The following CACNA1C variants were observed in gnomAD, a reference collection of about 807,000 sequenced individuals.
The protein encoded by CACNA1C is calcium voltage-gated channel subunit alpha1 C.
A neutral mutation model predicts 229.0 loss-of-function variants in CACNA1C; 30 were observed. The observed-to-expected ratio is 0.13, with a 90% CI of 0.10 to 0.18. CACNA1C has a LOEUF of 0.18. CACNA1C is among the 10% of genes least tolerant of loss of function. CACNA1C has a pLI of 1.00. For synonymous variants in CACNA1C, 1,114 were observed against 1,132.5 expected, an observed-to-expected ratio of 0.98 and a Z score of 0.33; for missense variants, 1,658 against 2,845.0, an observed-to-expected ratio of 0.58 and a Z score of 9.49.
exon 1 of CACNA1C, chr12:1,970,905 A>T: frequency 3.1e-6 from 1 of 321,142 alleles, no homozygotes; most frequent in Non-Finnish European, 6.0e-6. Context: ...ACTGTAACTT[A>T]AACTTGCAGC....
intron 3 of CACNA1C, among the ~76,000 whole-genome samples, chr12:2,389,824 G>A (rs571370335): frequency 4.2e-4 from 64 of 152,068 alleles, no homozygotes; most frequent in African/African-American, 1.2e-3. Flanking sequence ...CCAACCCTCC[G>A]GCACCGAATC....
chr12:2,678,911 C>G lies in CACNA1C; in HGVS notation c.5092-533C>G, dbSNP rs1161461237. 6.6e-6 allele frequency among the ~76,000 whole-genome samples: 1 copy of G among 152,194 alleles called. No individual in the cohort carries two copies. Among genetic ancestry groups the G allele is most frequent in the Non-Finnish European group, 1.5e-5 (1 of 68,034 alleles). ...CTGGTTTTAAATCTCTCTGAGTCCC[C>G]GAGGGGAAAAAGACCATCATGCAGG... is the stretch of plus-strand genomic sequence containing the variant. On this transcript the variant is annotated intron_variant, in intron 41 of 46. Coordinates refer to ENST00000399655, the MANE Select transcript of CACNA1C (RefSeq NM_000719.7). The surrounding 1 kb of genome is among the most constrained non-coding windows in gnomAD (Gnocchi z 4.1).
At chr12:2,388,565 T>TCATG (rs1321762910) in intron 3 of CACNA1C, among the ~76,000 whole-genome samples, 1 of 152,244 alleles carries the variant, frequency 6.6e-6, no homozygotes, top group African/African-American at 2.4e-5. Flanking sequence ...GCTGATCAGT[T>TCATG]CATGGTTCAT....
intron 3 of CACNA1C, among the ~76,000 whole-genome samples, chr12:2,174,998 C>T (rs183096407): frequency 2.6e-5 from 4 of 152,192 alleles, no homozygotes; most frequent in South Asian, 2.1e-4. Context: ...CTTGCCATCT[C>T]GGGTGGCAGA....
intron 1 of CACNA1C, among the ~76,000 whole-genome samples, chr12:2,030,526 C>G (rs1274362426): frequency 6.6e-6 from 1 of 152,160 alleles, no homozygotes; most frequent in African/African-American, 2.4e-5. Context: ...TCTTCCTTCC[C>G]CTTGGTTCAC....
intron 1 of CACNA1C, among the ~76,000 whole-genome samples, chr12:2,094,597 C>T (rs1390600324): frequency 6.6e-6 from 1 of 152,180 alleles, no homozygotes; most frequent in African/African-American, 2.4e-5. Context: ...GGTGAACACC[C>T]TCAGTTTACA....
intron 3 of CACNA1C, among the ~76,000 whole-genome samples, chr12:2,333,758 C>T (rs947113275): frequency 3.3e-5 from 5 of 152,170 alleles, no homozygotes; most frequent in Admixed American, 1.3e-4. Context: ...TCACTGTCTC[C>T]CCAGAGAGCC....
intron 2 of CACNA1C, among the ~76,000 whole-genome samples, chr12:2,116,351 G>T (rs1314517594): frequency 6.6e-6 from 1 of 151,762 alleles, no homozygotes; most frequent in Non-Finnish European, 1.5e-5. Context: ...GAATCCTGGG[G>T]CTGTAGAAAT....
intron 3 of CACNA1C, among the ~76,000 whole-genome samples, chr12:2,322,427 C>T (rs1008774393): frequency 3.3e-5 from 5 of 152,210 alleles, no homozygotes; most frequent in African/African-American, 1.2e-4. Flanking sequence ...GGGAGACTCC[C>T]AATGGCCACC....
intron 3 of CACNA1C, among the ~76,000 whole-genome samples, chr12:2,357,559 G>A (rs756355968): frequency 1.0e-3 from 156 of 151,690 alleles, no homozygotes; most frequent in Non-Finnish European, 1.6e-3. Context: ...TGAACAAAGA[G>A]GCTAACCAAC....
At chr12:2,475,167 T>C (rs888991490) in intron 5 of CACNA1C, among the ~76,000 whole-genome samples, 1 of 151,778 alleles carries the variant, frequency 6.6e-6, no homozygotes, top group African/African-American at 2.4e-5. Flanking sequence ...GGCGCAGTAG[T>C]GGGCGCCTGT....
At chr12:2,236,785 A>G (rs1162996893) in intron 3 of CACNA1C, among the ~76,000 whole-genome samples, 2 of 152,104 alleles carry the variant, frequency 1.3e-5, no homozygotes, top group African/African-American at 4.8e-5. Flanking sequence ...GTTGAAGTGA[A>G]CCAAGTTCTC....
chr12:2,063,849 C>T (rs980471044), intron 1 of CACNA1C, among the ~76,000 whole-genome samples: 4 of 152,182 alleles, frequency 2.6e-5, no homozygotes, highest in Non-Finnish European at 5.9e-5. Flanking sequence ...GCAATGAACA[C>T]CAGTATTCAA....
chr12:2,595,979 C>T lies in CACNA1C; in HGVS notation c.2769C>T (p.Val923=). ...TTTCCCTGGCTGCTGAGGACCCGGT[C>T]CAGCACACCTCCTTCAGGAACCATG... The part of the protein sequence containing the change: ...SSISLAAEDP[V]QHTSFRNHIL... The change falls in exon 20 of 47, where the codon GTC becomes GTT. Residue 923 remains valine (V), a synonymous_variant. Coordinates refer to ENST00000399655, the MANE Select transcript of CACNA1C (RefSeq NM_000719.7). The surrounding 1 kb of genome is among the most constrained non-coding windows in gnomAD (Gnocchi z 4.1). 1.2e-6 allele frequency: 2 copies of T among 1,613,330 alleles called. No homozygotes were observed. The highest frequency in any genetic ancestry group is 1.7e-6 in the Non-Finnish European group (2 of 1,179,586).
intron 11 of CACNA1C, among the ~76,000 whole-genome samples, chr12:2,558,607 G>A: frequency 6.6e-6 from 1 of 152,200 alleles, no homozygotes; most frequent in East Asian, 1.9e-4. Context: ...TAAGCTTCAA[G>A]CCAAGGGCTG....
chr12:2,257,322 A>G (rs1288654816), intron 3 of CACNA1C, among the ~76,000 whole-genome samples: 1 of 152,204 alleles, frequency 6.6e-6, no homozygotes, highest in Non-Finnish European at 1.5e-5. Flanking sequence ...GGGACAGTTC[A>G]GTCTTCTCTA....
chr12:2,369,999 G>A (rs1468930523), intron 3 of CACNA1C, among the ~76,000 whole-genome samples: 1 of 152,198 alleles, frequency 6.6e-6, no homozygotes, highest in African/African-American at 2.4e-5. Context: ...TATTGCTGCT[G>A]TATAAGGAGA....
intron 3 of CACNA1C, among the ~76,000 whole-genome samples, chr12:2,277,411 ACACACACAC>A (rs1295877578): frequency 7.2e-6 from 1 of 139,322 alleles, no homozygotes; most frequent in African/African-American, 2.7e-5. Flanking sequence ...ACACACACAC[ACACACACAC>A]ACACACACTG....
At chr12:2,305,736 A>G (rs1366273275) in intron 3 of CACNA1C, among the ~76,000 whole-genome samples, 2 of 152,196 alleles carry the variant, frequency 1.3e-5, no homozygotes, top group African/African-American at 2.4e-5. Context: ...CCAGCTACTC[A>G]GAAGGCTGAG....
Sources: allele counts gnomAD v4.1 joint callset (sites outside exome capture counted in the v4.1 genomes callset), GRCh38; gene constraint gnomAD v4.1.1; non-coding constraint Gnocchi (gnomAD v3.1); transcripts MANE v1.5; gene names NCBI Gene and HGNC (gene_info 2026-07-23, HGNC 2026-07-21).